The following SLIT2 variants were observed in gnomAD, a reference collection of about 807,000 sequenced individuals.
SLIT2 encodes slit guidance ligand 2.
SLIT2 carries 41 observed loss-of-function variants against 185.7 expected under a neutral mutation model. That is an observed-to-expected ratio of 0.22 (90% CI 0.17 to 0.29). The LOEUF is 0.29. Among genes scored for constraint, SLIT2 ranks in the 10% least tolerant of loss-of-function variants. The pLI is 1.00. For synonymous variants in SLIT2, 693 were observed against 680.2 expected, an observed-to-expected ratio of 1.02 and a Z score of -0.29; for missense variants, 1,571 against 1,909.0, an observed-to-expected ratio of 0.82 and a Z score of 3.30.
intron 4 of SLIT2, among the ~76,000 whole-genome samples, chr4:20,333,406 G>A (rs749566751): frequency 1.3e-5 from 2 of 152,026 alleles, no homozygotes; most frequent in Non-Finnish European, 2.9e-5. Flanking sequence ...CATTCTTTAA[G>A]CACTCTTTTT....
intron 4 of SLIT2, among the ~76,000 whole-genome samples, chr4:20,311,908 A>G (rs966736613): frequency 2.0e-5 from 3 of 152,196 alleles, no homozygotes; most frequent in African/African-American, 7.2e-5. Flanking sequence ...GCTTTCTAAT[A>G]CAAGAAATGC....
intron 4 of SLIT2, among the ~76,000 whole-genome samples, chr4:20,447,031 T>G (rs1425343141): frequency 6.6e-6 from 1 of 152,186 alleles, no homozygotes; most frequent in Non-Finnish European, 1.5e-5. Context: ...GTGAGCAGGA[T>G]AGAAACGTCA....
intron 30 of SLIT2, among the ~76,000 whole-genome samples, chr4:20,593,570 A>G (rs963008121): frequency 3.9e-5 from 6 of 152,134 alleles, no homozygotes; most frequent in South Asian, 2.1e-4. Context: ...CATGGTCACT[A>G]TAGTTCATAC....
At chr4:20,542,747 A>C in intron 21 of SLIT2, 121 bp downstream of exon 21, 1 of 1,074,890 alleles carries the variant, frequency 9.3e-7, no homozygotes, top group South Asian at 1.5e-5. Context: ...AAGGCCAGTT[A>C]ATTATTATCC....
chr4:20,431,721 G>A (rs1225590293), intron 4 of SLIT2, among the ~76,000 whole-genome samples: 4 of 152,208 alleles, frequency 2.6e-5, no homozygotes, highest in African/African-American at 7.2e-5. Flanking sequence ...GCTGGTCGAG[G>A]TCCGCTGTAA....
In SLIT2 at chr4:20,543,226, G is replaced by A. The variant is rs148144610; in HGVS notation, c.2276+600G>A. Among the ~76,000 whole-genome samples the A allele has an allele frequency of 1.2e-3, 185 of 152,192 alleles. 2 individuals carry two copies. Among genetic ancestry groups the A allele is most frequent in the African/African-American group, 4.2e-3 (174 of 41,528 alleles). On this transcript the variant is annotated intron_variant, in intron 21 of 36. Transcript: ENST00000504154. ...ATCAAAGTCCTTTAGATCCTAAAGG[G>A]TATGGGACCAATTATCCTTGACATT...
chr4:20,556,869 T>G (rs1410565443), intron 26 of SLIT2, among the ~76,000 whole-genome samples: 2 of 152,062 alleles, frequency 1.3e-5, no homozygotes, highest in African/African-American at 4.8e-5. Context: ...ATTAAAAGTG[T>G]TATTCCAGCA....
intron 6 of SLIT2, among the ~76,000 whole-genome samples, chr4:20,482,384 CTACTGTGTA>C (rs1316183800): frequency 6.6e-6 from 1 of 151,852 alleles, no homozygotes; most frequent in East Asian, 1.9e-4. Flanking sequence ...TATCGAATAC[CTACTGTGTA>C]TATTTTACAA....
rs1553918327 is a variant in SLIT2 at position 20,528,440 on chromosome 4, C to A, written c.1463-509C>A. On this transcript the variant is annotated intron_variant, in intron 15 of 36. Coordinates refer to ENST00000504154, the MANE Select transcript of SLIT2 (RefSeq NM_004787.4). The surrounding 1 kb of genome is among the most constrained non-coding windows in gnomAD (Gnocchi z 4.2). Reference sequence around the variant, plus strand: ...ATTTTCCTGTCTCTTTCTACAAAATCAAAATGAAAAAAGAGGGCTTTTTAG... The same window carrying A: ...ATTTTCCTGTCTCTTTCTACAAAATAAAAATGAAAAAAGAGGGCTTTTTAG... The A allele has an allele frequency of 8.7e-5, 41 of 469,140 alleles. No homozygotes were observed. Among genetic ancestry groups the A allele is most frequent in the Admixed American group, 4.4e-4 (18 of 41,312 alleles). 29.1% of individuals were successfully genotyped at this position (469,140 alleles called of 1,614,324 possible).
At chr4:20,418,418 A>G (rs1727877699) in intron 4 of SLIT2, among the ~76,000 whole-genome samples, 1 of 152,214 alleles carries the variant, frequency 6.6e-6, no homozygotes, top group Non-Finnish European at 1.5e-5. Flanking sequence ...TCTCCATTAT[A>G]CATAGCTGAA....
intron 4 of SLIT2, among the ~76,000 whole-genome samples, chr4:20,333,723 G>A (rs1046320590): frequency 2.6e-5 from 4 of 152,148 alleles, no homozygotes; most frequent in African/African-American, 9.6e-5. Context: ...CAAGCTTTGA[G>A]CCATAGACAG....
intron 4 of SLIT2, among the ~76,000 whole-genome samples, chr4:20,281,937 G>T (rs1245581274): frequency 2.6e-5 from 4 of 152,176 alleles, no homozygotes; most frequent in Admixed American, 6.5e-5. Context: ...GGTTGGAAAA[G>T]AATTTTTCCT....
chr4:20,521,761 G>A (rs1202986795), intron 12 of SLIT2, among the ~76,000 whole-genome samples: 3 of 152,076 alleles, frequency 2.0e-5, no homozygotes, highest in Non-Finnish European at 4.4e-5. Flanking sequence ...TTGAGTCACC[G>A]TGAGAAAGTC....
chr4:20,309,470 C>G (rs1377249625), intron 4 of SLIT2, among the ~76,000 whole-genome samples: 4 of 151,610 alleles, frequency 2.6e-5, no homozygotes, highest in African/African-American at 9.7e-5. Flanking sequence ...TTTTAACTTA[C>G]AACTTTTTAT....
intron 4 of SLIT2, among the ~76,000 whole-genome samples, chr4:20,311,196 A>G (rs1264614397): frequency 6.6e-6 from 1 of 152,254 alleles, no homozygotes; most frequent in Non-Finnish European, 1.5e-5. Flanking sequence ...GCCTGAACTC[A>G]ATATTTTATA....
chr4:20,265,656 GTT>G, intron 3 of SLIT2, among the ~76,000 whole-genome samples: 1 of 147,744 alleles, frequency 6.8e-6, no homozygotes, highest in African/African-American at 2.5e-5. Context: ...TATATTTTCA[GTT>G]TTTTTTTTCT....
chr4:20,299,048 C>G (rs551259980), intron 4 of SLIT2, among the ~76,000 whole-genome samples: 2 of 152,152 alleles, frequency 1.3e-5, no homozygotes, highest in South Asian at 4.1e-4. Flanking sequence ...TGCAAAAATG[C>G]AATTTGACAA....
intron 15 of SLIT2, 128 bp downstream of exon 15, chr4:20,525,300 C>G: frequency 1.5e-6 from 1 of 660,644 alleles, no homozygotes; most frequent in Non-Finnish European, 2.7e-6. Flanking sequence ...TTGACTTATG[C>G]ATATATCACT....
chr4:20,592,331 A>G (rs955620225), intron 30 of SLIT2, among the ~76,000 whole-genome samples: 2 of 152,186 alleles, frequency 1.3e-5, no homozygotes, highest in Non-Finnish European at 1.5e-5. Flanking sequence ...CCTGCATCTT[A>G]CATAGCCAGC....
Sources: gnomAD v4.1 joint callset for allele counts (sites outside exome capture counted in the v4.1 genomes callset) on GRCh38, gnomAD v4.1.1 for gene constraint, Gnocchi (gnomAD v3.1) non-coding constraint, MANE v1.5 for transcripts, NCBI Gene and HGNC (gene_info 2026-07-23, HGNC 2026-07-21) for gene names.